CYP4X1: variants seen among roughly 807,000 people sequenced by gnomAD.
CYP4X1 encodes the protein cytochrome P450 4X1.
CYP4X1 carries 44 observed loss-of-function variants against 57.9 expected under a neutral mutation model. That is an observed-to-expected ratio of 0.76 (90% CI 0.60 to 0.98). The LOEUF (loss-of-function observed/expected upper bound fraction) is 0.98. Ranked by LOEUF, CYP4X1 falls within the 50% of genes least tolerant of loss-of-function variation. CYP4X1 has a pLI of 0.00. For missense variants in CYP4X1, 532 were observed against 623.9 expected (o/e 0.85, Z 1.57); for synonymous variants, 227 against 228.6 (o/e 0.99, Z 0.06).
the CYP4X1 span, among the ~76,000 whole-genome samples, chr1:47,016,722 TTTA>T: frequency 0.17 from 25,617 of 152,194 alleles, 2,481 homozygotes; most frequent in East Asian, 0.46. Flanking sequence ...ATAAATTGGA[TTTA>T]TTATTTGTGT....
chr1:47,030,037 A>C lies in CYP4X1; in HGVS notation c.225A>C (p.Lys75Asn), dbSNP rs1644108924. Residue 75 changes from lysine to asparagine, a missense_variant, in exon 2 of 12, where the codon AAA becomes AAC. Physicochemically the swap from Lys to Asn is moderately conservative, Grantham distance 94. Coordinates refer to ENST00000371901, the MANE Select transcript of CYP4X1 (RefSeq NM_178033.2). ...AGAAGCTTGAGGAAATTATTGAAAA[A>C]TACCCTCGTGCCTTCCCTTTCTGGA... ...NMEKLEEIIE[K>N]YPRAFPFWIG... 1 of 1,614,002 alleles carries C rather than the reference A, an allele frequency of 6.2e-7. No individual in the cohort carries two copies. The highest frequency in any genetic ancestry group is 8.5e-7 in the Non-Finnish European group (1 of 1,180,010).
At chr1:46,971,751 T>C in the CYP4X1 span, among the ~76,000 whole-genome samples, 1 of 152,196 alleles carries the variant, frequency 6.6e-6, no homozygotes. Flanking sequence ...AATCCTTTGC[T>C]GATTTTTTAA....
In CYP4X1 at chr1:47,035,941, G is replaced by T. The variant is rs1644175289; in HGVS notation, c.620+8G>T. The T allele has an allele frequency of 1.9e-6, 3 of 1,613,078 alleles. No homozygotes were observed. The highest frequency in any genetic ancestry group is 2.5e-6 in the Non-Finnish European group (3 of 1,179,550). ...CAACTGCCAGACAAACAGGTCAGTG[G>T]TGGGAGAGCAAAAAAGATATTTCTT... On this transcript the variant is annotated splice_region_variant and intron_variant, in intron 5 of 11. Transcript: ENST00000371901.
At chr1:46,962,856 A>G in the CYP4X1 span, among the ~76,000 whole-genome samples, 1 of 152,224 alleles carries the variant, frequency 6.6e-6, no homozygotes, top group Non-Finnish European at 1.5e-5. Flanking sequence ...GTGGGGTGTT[A>G]AAGTCTCCCA....
the CYP4X1 span, among the ~76,000 whole-genome samples, chr1:46,988,592 T>C: frequency 8.5e-5 from 13 of 152,050 alleles, no homozygotes. Flanking sequence ...AAAAGAAAAT[T>C]TCAGGCCAAT....
At chr1:47,038,919 CAA>C (rs148362520) in intron 7 of CYP4X1, among the ~76,000 whole-genome samples, 153 bp downstream of exon 7, 1,707 of 152,158 alleles carry the variant, frequency 0.011, 37 homozygotes, top group African/African-American at 0.039. Flanking sequence ...CAATTTGAGA[CAA>C]AGAGAGAATT....
rs1644176976 is a variant in CYP4X1 at position 47,036,039 on chromosome 1, G to A, written c.643G>A (p.Ala215Thr). 4 of 1,613,156 alleles carry A rather than the reference G, an allele frequency of 2.5e-6. No individual in the cohort carries two copies. Among genetic ancestry groups the A allele is most frequent in the Non-Finnish European group, 3.4e-6 (4 of 1,179,344 alleles). The change falls in exon 6 of 12, where the codon GCC becomes ACC. Residue 215 changes from alanine (A) to threonine (T), a missense_variant. Coordinates refer to ENST00000371901, the MANE Select transcript of CYP4X1 (RefSeq NM_178033.2). The part of the protein sequence containing the change: ...TNSTHDPYAK[A>T]IFELSKIIFH... ...TAGCACCCATGATCCTTATGCAAAA[G>A]CCATATTTGAACTCAGCAAAATCAT...
At chr1:46,994,169 A>G in the CYP4X1 span, among the ~76,000 whole-genome samples, 4 of 152,132 alleles carry the variant, frequency 2.6e-5, no homozygotes, top group Non-Finnish European at 5.9e-5. Flanking sequence ...TTTTCCCAGC[A>G]CCATTTATTA....
At chr1:47,033,514 T>C (rs1644146508) in intron 4 of CYP4X1, 146 bp downstream of exon 4, 5 of 997,980 alleles carry the variant, frequency 5.0e-6, no homozygotes, top group Non-Finnish European at 7.0e-6. Flanking sequence ...ACAATAGGTG[T>C]CTGTAAAAAA....
chr1:47,038,543 CTATT>C (rs1644209740), intron 6 of CYP4X1, 113 bp from the exon 7 acceptor site: 3 of 563,454 alleles, frequency 5.3e-6, no homozygotes, highest in Admixed American at 3.8e-5. Flanking sequence ...AAAATTAGAT[CTATT>C]TAAACGTCTG....
intron 3 of CYP4X1, among the ~76,000 whole-genome samples, chr1:47,032,853 C>T (rs1644138678): frequency 6.6e-6 from 1 of 152,066 alleles, no homozygotes; most frequent in African/African-American, 2.4e-5. Flanking sequence ...CAGTTAACCT[C>T]CACAGCAACA....
the CYP4X1 span, among the ~76,000 whole-genome samples, chr1:46,966,310 G>A: frequency 2.6e-5 from 4 of 152,142 alleles, no homozygotes; most frequent in Non-Finnish European, 5.9e-5. Flanking sequence ...TCCCAGGGCT[G>A]GATTATGTAA....
Position 47,039,349 on chromosome 1 carries a change from G to A in CYP4X1, c.890G>A (p.Ser297Asn). ...TTGTATTGTACTTTCTAGGATGAAA[G>A]TGGTAGCAGCTTCTCAGATATTGAT... ...LDIVLSAKDE[S>N]GSSFSDIDVH... The change falls in exon 8 of 12, where the codon AGT (serine) becomes AAT (asparagine). Residue 297 changes from serine (S) to asparagine (N), a missense_variant. By Grantham distance (46) the Ser-to-Asn change is conservative. Transcript: ENST00000371901. 1 of 1,590,916 alleles carries A rather than the reference G, an allele frequency of 6.3e-7. No individual in the cohort carries two copies. The highest frequency in any genetic ancestry group is 8.5e-7 in the Non-Finnish European group (1 of 1,170,836).
At chr1:47,008,450 T>A in the CYP4X1 span, among the ~76,000 whole-genome samples, 1 of 152,144 alleles carries the variant, frequency 6.6e-6, no homozygotes, top group Non-Finnish European at 1.5e-5. Context: ...GAACAACCAG[T>A]ACCAGCCACT....
chr1:47,041,691 A>T (rs1644248188), intron 8 of CYP4X1, among the ~76,000 whole-genome samples: 1 of 152,084 alleles, frequency 6.6e-6, no homozygotes, highest in Non-Finnish European at 1.5e-5. Flanking sequence ...CCCTTATCAG[A>T]TGTATCATTT....
intron 4 of CYP4X1, 142 bp downstream of exon 4, chr1:47,033,510 G>A: frequency 6.8e-6 from 7 of 1,030,364 alleles, no homozygotes; most frequent in Non-Finnish European, 9.5e-6. Flanking sequence ...TTGAACAATA[G>A]GTGTCTGTAA....
chr1:47,047,098 A>G (rs1002992254), intron 9 of CYP4X1, among the ~76,000 whole-genome samples: 1 of 152,182 alleles, frequency 6.6e-6, no homozygotes, highest in Non-Finnish European at 1.5e-5. Context: ...ACGCTTATAC[A>G]ATGATTTACA....
At chr1:47,041,515 A>ACGTTTCC (rs1644246349) in intron 8 of CYP4X1, among the ~76,000 whole-genome samples, 1 of 152,076 alleles carries the variant, frequency 6.6e-6, no homozygotes, top group African/African-American at 2.4e-5. Flanking sequence ...GTTTTAATTT[A>ACGTTTCC]CGTTTCCCTG....
At chr1:47,027,857 T>C (rs1196822113) in intron 1 of CYP4X1, among the ~76,000 whole-genome samples, 1 of 152,178 alleles carries the variant, frequency 6.6e-6, no homozygotes, top group Non-Finnish European at 1.5e-5. Flanking sequence ...CCTATTATTA[T>C]TATCTTGGCC....
Sources: allele counts gnomAD v4.1 joint callset (sites outside exome capture counted in the v4.1 genomes callset), GRCh38; gene constraint gnomAD v4.1.1; transcripts MANE v1.5; gene names NCBI Gene and HGNC (gene_info 2026-07-23, HGNC 2026-07-21).